The following TTC27 variants were observed in gnomAD, a reference collection of about 807,000 sequenced individuals.
TTC27 encodes tetratricopeptide repeat protein 27.
In TTC27, 79 loss-of-function variants were observed where a neutral mutation model predicts 115.9. The observed-to-expected ratio is 0.68, with a 90% CI of 0.57 to 0.82. The LOEUF (loss-of-function observed/expected upper bound fraction) is 0.82. Among genes scored for constraint, TTC27 ranks in the 40% least tolerant of loss-of-function variants. The pLI is 0.00. For missense variants in TTC27, 1,054 were observed against 993.1 expected, an observed-to-expected ratio of 1.06 and a Z score of -0.82; for synonymous variants, 401 against 356.0, an observed-to-expected ratio of 1.13 and a Z score of -1.42.
intron 18 of TTC27, among the ~76,000 whole-genome samples, chr2:32,816,700 C>T (rs1407417023): frequency 1.3e-5 from 2 of 152,152 alleles, no homozygotes; most frequent in Non-Finnish European, 2.9e-5. Flanking sequence ...TGGTTGTGGT[C>T]GCGTTCTCTA....
At chr2:32,761,825 A>G (rs1235403452) in intron 13 of TTC27, among the ~76,000 whole-genome samples, 1 of 152,118 alleles carries the variant, frequency 6.6e-6, no homozygotes, top group African/African-American at 2.4e-5. Context: ...TTTTGTCTTC[A>G]CTAGAATGTA....
intron 12 of TTC27, among the ~76,000 whole-genome samples, chr2:32,737,657 T>G (rs1668491458): frequency 6.6e-6 from 1 of 152,130 alleles, no homozygotes; most frequent in African/African-American, 2.4e-5. Flanking sequence ...AGTGAAGGTC[T>G]TTGAATTGTA....
intron 14 of TTC27, 143 bp from the exon 15 acceptor site, chr2:32,782,483 A>G (rs750813117): frequency 6.0e-6 from 3 of 496,626 alleles, no homozygotes; most frequent in East Asian, 6.3e-5. Flanking sequence ...TAATTTTGCC[A>G]TATACCTTTA....
intron 13 of TTC27, among the ~76,000 whole-genome samples, chr2:32,771,320 CA>C (rs1472808214): frequency 3.3e-5 from 5 of 152,162 alleles, no homozygotes; most frequent in African/African-American, 1.2e-4. Flanking sequence ...CTGCCTGTTG[CA>C]CTGTAGAAAA....
At position 32,760,288 on chromosome 2, in the gene TTC27, A is replaced by C. The variant is rs566117960; in HGVS notation, c.1680+1769A>C. Among the ~76,000 whole-genome samples, 25 of 152,322 alleles carry C rather than the reference A, an allele frequency of 1.6e-4. 1 individual carries two copies. Among genetic ancestry groups the C allele is most frequent in the South Asian group, 6.2e-4 (3 of 4,830 alleles). On this transcript the variant is annotated intron_variant, in intron 13 of 19. Transcript: ENST00000317907. ...AAACTAATGGGTGTATTTGACAGCA[A>C]GGATGCTTAGAGTATACTAAGGAAT...
At chr2:32,736,471 A>G (rs1198702792) in intron 11 of TTC27, among the ~76,000 whole-genome samples, 1 of 152,194 alleles carries the variant, frequency 6.6e-6, no homozygotes, top group Admixed American at 6.5e-5. Context: ...TTTTCAACAA[A>G]AAAATTGTTC....
chr2:32,744,521 T>C (rs1668751626), intron 12 of TTC27, among the ~76,000 whole-genome samples: 1 of 152,222 alleles, frequency 6.6e-6, no homozygotes, highest in African/African-American at 2.4e-5. Context: ...TAGAAGCTCT[T>C]TCAAGTCCCC....
chr2:32,684,373 C>G (rs925827965), intron 9 of TTC27, among the ~76,000 whole-genome samples: 1 of 151,072 alleles, frequency 6.6e-6, no homozygotes, highest in Non-Finnish European at 1.5e-5. Context: ...TGAATAATGC[C>G]GCAATAAACA....
Position 32,715,662 on chromosome 2 carries a change from C to T in TTC27, c.1233+12742C>T, listed in dbSNP as rs1051055756. Among the ~76,000 whole-genome samples the T allele has an allele frequency of 5.9e-5, 9 of 151,986 alleles. No homozygotes were observed. The South Asian group carries it at 6.2e-4, about 11-fold the overall frequency. ...TGGAGATTATTGCTCCTGTGTGGGC[C>T]GAAACATTTCTCTTTAAAGTTGGTA... On this transcript the variant is annotated intron_variant, in intron 10 of 19. Transcript: ENST00000317907.
At chr2:32,770,162 A>G (rs1300368916) in intron 13 of TTC27, among the ~76,000 whole-genome samples, 1 of 152,192 alleles carries the variant, frequency 6.6e-6, no homozygotes, top group Non-Finnish European at 1.5e-5. Context: ...GGTGGTTTAT[A>G]TTTTATTCAG....
At chr2:32,784,734 G>A (rs1392683765) in intron 15 of TTC27, among the ~76,000 whole-genome samples, 1 of 152,122 alleles carries the variant, frequency 6.6e-6, no homozygotes, top group African/African-American at 2.4e-5. Context: ...ATGATTAGGG[G>A]GATCATAAGG....
intron 13 of TTC27, among the ~76,000 whole-genome samples, chr2:32,762,473 C>A (rs1057004055): frequency 6.6e-6 from 1 of 151,966 alleles, no homozygotes; most frequent in African/African-American, 2.4e-5. Context: ...TGACAGATAG[C>A]CATTAAAGGG....
intron 5 of TTC27, among the ~76,000 whole-genome samples, chr2:32,656,844 A>G (rs925625520): frequency 1.3e-5 from 2 of 152,148 alleles, no homozygotes; most frequent in African/African-American, 4.8e-5. Flanking sequence ...ATGGCACACA[A>G]TTTATAATCA....
chr2:32,813,943 T>C (rs1671398366), intron 18 of TTC27, among the ~76,000 whole-genome samples: 1 of 152,170 alleles, frequency 6.6e-6, no homozygotes, highest in African/African-American at 2.4e-5. Context: ...TTAGAATTCA[T>C]GTGGCTTCTA....
chr2:32,656,054 T>A (rs1181581622), intron 5 of TTC27, among the ~76,000 whole-genome samples: 1 of 152,186 alleles, frequency 6.6e-6, no homozygotes, highest in Non-Finnish European at 1.5e-5. Flanking sequence ...ACACTGCTAT[T>A]GAGTACTGGC....
intron 10 of TTC27, among the ~76,000 whole-genome samples, chr2:32,724,040 C>A (rs1262091206): frequency 1.4e-5 from 2 of 137,962 alleles, no homozygotes; most frequent in African/African-American, 2.8e-5. Context: ...TTTTAATAAT[C>A]AATAAATATT....
chr2:32,779,128 C>T (rs1315314325), intron 14 of TTC27, among the ~76,000 whole-genome samples: 1 of 151,998 alleles, frequency 6.6e-6, no homozygotes, highest in Admixed American at 6.6e-5. Flanking sequence ...GAGGCTGAGG[C>T]GGGAGAATCA....
intron 13 of TTC27, among the ~76,000 whole-genome samples, chr2:32,765,573 A>C (rs182379475): frequency 6.6e-6 from 1 of 152,178 alleles, no homozygotes; most frequent in Non-Finnish European, 1.5e-5. Flanking sequence ...TTAGCCCCTA[A>C]TAGGAGAGTC....
chr2:32,676,422 A>G (rs1221796252), intron 8 of TTC27, among the ~76,000 whole-genome samples: 1 of 151,954 alleles, frequency 6.6e-6, no homozygotes, highest in Non-Finnish European at 1.5e-5. Flanking sequence ...GGTCATTATA[A>G]AATCCTTAAA....
Sources: allele counts gnomAD v4.1 joint callset (sites outside exome capture counted in the v4.1 genomes callset), GRCh38; gene constraint gnomAD v4.1.1; transcripts MANE v1.5; gene names NCBI Gene and HGNC (gene_info 2026-07-23, HGNC 2026-07-21).